The following MUC6 variants were observed in gnomAD, a reference collection of about 807,000 sequenced individuals.
MUC6 encodes mucin 6, oligomeric mucus/gel-forming (gene/pseudogene), also known as mucin-6.
In MUC6, 188 loss-of-function variants were observed where a neutral mutation model predicts 201.5. The ratio of observed to expected loss-of-function variants is 0.93; its 90% CI spans 0.83 to 1.05. MUC6 has a LOEUF of 1.05. Among genes scored for constraint, MUC6 ranks in the 50% least tolerant of loss-of-function variants. The probability of loss-of-function intolerance (pLI) is 0.00; values close to 1 mark genes in which losing one functional copy is unlikely to be tolerated. For synonymous variants in MUC6, 1,228 were observed against 1,389.4 expected (o/e 0.88, Z 2.58); for missense variants, 2,706 against 3,256.9 (o/e 0.83, Z 4.12).
chr11:1,036,422 G>A (rs1857217538), intron 1 of MUC6, among the ~76,000 whole-genome samples, 182 bp downstream of exon 1: 2 of 152,202 alleles, frequency 1.3e-5, no homozygotes. Flanking sequence ...GCCCAGCACC[G>A]CGGCTGCTGG....
chr11:1,030,152 C>A, intron 8 of MUC6, 61 bp downstream of exon 8: 1 of 1,499,318 alleles, frequency 6.7e-7, no homozygotes, highest in African/African-American at 1.4e-5. Context: ...TCTGACGTCC[C>A]CTTGTCTCTG....
chr11:1,029,878 C>A (rs1263296533), intron 8 of MUC6, among the ~76,000 whole-genome samples: 1 of 152,218 alleles, frequency 6.6e-6, no homozygotes, highest in Admixed American at 6.5e-5. Context: ...TGTGCCCGGC[C>A]CAGGTTCCTG....
rs1325220076 is a variant in MUC6 at position 1,024,931 on chromosome 11, G to A, written c.3138C>T (p.Pro1046=). 3 of 1,612,992 alleles carry A rather than the reference G, an allele frequency of 1.9e-6. No individual in the cohort carries two copies. In the South Asian group the frequency reaches 3.3e-5, roughly 18 times the overall value. ...LCGDVSFVTD[P]CSLNAFRRSW... ...AGCGCCGGAAGGCATTGAGACTGCA[G>A]GGGTCTGTCACGAAGCTCACGTCCC... The change falls in exon 24 of 33, where the codon CCC becomes CCT. Residue 1046 remains proline (P), a synonymous_variant. Transcript: ENST00000421673.
At chr11:1,027,637 G>A (rs768457838) in intron 16 of MUC6, 48 bp downstream of exon 16, 10 of 1,575,942 alleles carry the variant, frequency 6.3e-6, no homozygotes, top group East Asian at 2.3e-5. Flanking sequence ...ACACCCCCTC[G>A]TGAGCCCAGC....
intron 26 of MUC6, among the ~76,000 whole-genome samples, chr11:1,021,930 C>T (rs1037281731): frequency 1.3e-5 from 2 of 152,090 alleles, no homozygotes; most frequent in African/African-American, 4.8e-5. Flanking sequence ...AATCCCAGGA[C>T]CCTCTGCATT....
rs1351243558 is a variant in MUC6, at chr11:1,016,505, C to G, written c.6296G>C (p.Ser2099Thr). Residue 2099 changes from serine (S) to threonine (T), a missense_variant, in exon 31 of 33, where the codon AGC becomes ACC. By Grantham distance (58) the Ser-to-Thr change is moderately conservative. Coordinates refer to ENST00000421673, the MANE Select transcript of MUC6 (RefSeq NM_005961.3). Reference sequence around the variant, plus strand: ...GATAGGTGATGACGGTGGCCTTGAGCTAGAGTTCTGAGGCAGCCAAGACGA... The same window carrying G: ...GATAGGTGATGACGGTGGCCTTGAGGTAGAGTTCTGAGGCAGCCAAGACGA... The part of the protein sequence containing the change: ...SSSSWLPQNS[S>T]SRPPSSPITT... 8 of 1,595,332 alleles carry G rather than the reference C, an allele frequency of 5.0e-6. No individual in the cohort carries two copies. The Admixed American group carries it at 6.9e-5, about 14-fold the overall frequency.
At chr11:1,031,539 C>T in intron 4 of MUC6, 68 bp downstream of exon 4, 2 of 1,524,806 alleles carry the variant, frequency 1.3e-6, no homozygotes, top group Admixed American at 2.0e-5. Flanking sequence ...GAGGGCAGCC[C>T]CTCCCAAGTC....
In MUC6 at chr11:1,033,025, A is replaced by C. The variant is rs775795647; in HGVS notation, c.103T>G (p.Ser35Ala). ...GCTGTGTTCTTACCTGTCTGTGGAG[A>C]GTCCTTCAGCCTCTGGAGGCCTGGG... is the stretch of plus-strand genomic sequence containing the variant. The part of the protein sequence containing the change: ...TSPGLQRLKD[S>A]PQTAPDKGQC... The change falls in exon 2 of 33, where the codon TCT becomes GCT. Residue 35 changes from serine (S) to alanine (A), a missense_variant. Physicochemically the swap from Ser to Ala is moderately conservative, Grantham distance 99. Transcript: ENST00000421673. This position sits in a 1 kb window ranked among gnomAD's most constrained non-coding sequence, Gnocchi z 5.6. 5 of 1,601,946 alleles carry C rather than the reference A, an allele frequency of 3.1e-6. No individual in the cohort carries two copies. The highest frequency in any genetic ancestry group is 1.3e-5 in the African/African-American group (1 of 74,708).
chr11:1,029,026 G>A lies in MUC6; in HGVS notation c.1380+20C>T, dbSNP rs1857035125. The A allele has an allele frequency of 6.2e-7, 1 of 1,612,744 alleles. No homozygotes were observed. The highest frequency in any genetic ancestry group is 8.5e-7 in the Non-Finnish European group (1 of 1,179,674). On this transcript the variant is annotated intron_variant, in intron 11 of 32. Coordinates refer to ENST00000421673, the MANE Select transcript of MUC6 (RefSeq NM_005961.3). ...GGAGCGGAGCCCTGCTGGCAGGGATGGGCGCAGGAAAGGCCTTACCTGCCT... is the reference window on the plus strand; with the variant it reads ...GGAGCGGAGCCCTGCTGGCAGGGATAGGCGCAGGAAAGGCCTTACCTGCCT...
Position 1,030,958 on chromosome 11 carries a change from G to A in MUC6, c.673C>T (p.Gln225Ter). Residue 225 changes from glutamine (Q) to a stop codon, truncating the protein, a stop_gained, in exon 6 of 33, where the codon CAG (glutamine) becomes TAG (stop). Transcript: ENST00000421673. LOFTEE classifies it high-confidence loss of function. ...GCCCCCTTGCTTACGTGCTGGGCCT[G>A]CCGGACGTGGGTGCTGGGGATGTCC... ...FQDIPSTHVR[Q>*]AQHARICTQL... The A allele has an allele frequency of 1.3e-6, 2 of 1,576,592 alleles. No individual in the cohort carries two copies. The highest frequency in any genetic ancestry group is 1.7e-4 in the Middle Eastern group (1 of 5,858).
chr11:1,025,561 TC>T (rs1856936287), intron 22 of MUC6, among the ~76,000 whole-genome samples, 194 bp from the exon 23 acceptor site: 1 of 152,192 alleles, frequency 6.6e-6, no homozygotes, highest in Non-Finnish European at 1.5e-5. Context: ...AGCTCGGGCT[TC>T]CTGGAGAGTC....
At chr11:1,024,801 T>C (rs747841092) in intron 24 of MUC6, 43 bp downstream of exon 24, 1 of 1,451,984 alleles carries the variant, frequency 6.9e-7, no homozygotes, top group South Asian at 1.1e-5. Flanking sequence ...CCACCGGACA[T>C]TTGTGGAGGG....
chr11:1,024,183 G>T, intron 24 of MUC6, 80 bp from the exon 25 acceptor site: 1 of 1,498,524 alleles, frequency 6.7e-7, no homozygotes, highest in Non-Finnish European at 9.0e-7. Flanking sequence ...AGGGCCCTCA[G>T]TGTGGTCAGG....
chr11:1,022,235 C>T (rs1234190262), intron 26 of MUC6, among the ~76,000 whole-genome samples: 6 of 149,578 alleles, frequency 4.0e-5, no homozygotes, highest in Admixed American at 2.7e-4. Context: ...GCCCCTCACT[C>T]GCTTGCTCTG....
At position 1,031,124 on chromosome 11, in the gene MUC6, AC is replaced by A. The variant is rs1056901707; in HGVS notation, c.574+44del. ...CAGAGGCCCCCCTGCCCTGCCCCCC[AC>A]CTAGAGGCCCCCCCAGAGGCCCCCC... On this transcript the variant is annotated intron_variant, in intron 5 of 32. Coordinates refer to ENST00000421673, the MANE Select transcript of MUC6 (RefSeq NM_005961.3). 12 of 138,196 alleles carry A rather than the reference AC, an allele frequency of 8.7e-5. No individual in the cohort carries two copies. The Admixed American group carries it at 4.7e-3, about 54-fold the overall frequency. The allele number at this position is 138,196 out of a possible 1,614,324, so 8.6% of individuals were successfully genotyped here. A position where few individuals can be genotyped will look rare whatever the true frequency, so the allele number is the denominator to read the frequency against.
At position 1,025,355 on chromosome 11, in the gene MUC6, C is replaced by T; in HGVS notation, c.2812G>A (p.Val938Met). Residue 938 changes from valine (V) to methionine (M), a missense_variant, in exon 23 of 33, where the codon GTG (valine) becomes ATG (methionine). Val to Met is a conservative substitution (Grantham distance 21, BLOSUM62 1). Around this residue, in one of 10 missense-constraint regions of MUC6, gnomAD observed 1,850 missense variants for 1,958.3 expected, o/e 0.94. Transcript: ENST00000421673. ...IKIFLGGLSVVLADRNYTVTG... is the reference protein window; with the variant it reads ...IKIFLGGLSVMLADRNYTVTG... The stretch of plus-strand genomic sequence containing the variant: ...ACCGTGTAGTTTCTGTCCGCCAGCA[C>T]CACGGACAGGCCCTGTGGGGTGGGG... 1 of 1,610,108 alleles carries T rather than the reference C, an allele frequency of 6.2e-7. No homozygotes were observed. Among genetic ancestry groups the T allele is most frequent in the South Asian group, 1.1e-5 (1 of 91,036 alleles).
Position 1,016,485 on chromosome 11 carries a change from G to T in MUC6, c.6316C>A (p.Pro2106Thr). ...QNSSSRPPSS[P>T]ITTQLPHLSS... is the part of the protein sequence containing the mutation. ...AAGTGGGGGAGTTGTGTGGTGATAGGTGATGACGGTGGCCTTGAGCTAGAG... is the reference window on the plus strand; with the variant it reads ...AAGTGGGGGAGTTGTGTGGTGATAGTTGATGACGGTGGCCTTGAGCTAGAG... The change falls in exon 31 of 33, where the codon CCT becomes ACT. Residue 2106 changes from proline to threonine, a missense_variant. Transcript: ENST00000421673. 8.7e-6 allele frequency: 14 copies of T among 1,612,092 alleles called. No individual in the cohort carries two copies. Among genetic ancestry groups the T allele is most frequent in the Non-Finnish European group, 1.2e-5 (14 of 1,179,426 alleles).
chr11:1,018,654 G>T lies in MUC6; in HGVS notation c.4147C>A (p.Pro1383Thr), dbSNP rs767775044. 6.2e-7 allele frequency: 1 copy of T among 1,613,404 alleles called. No individual in the cohort carries two copies. Among genetic ancestry groups the T allele is most frequent in the South Asian group, 1.1e-5 (1 of 91,038 alleles). The change falls in exon 31 of 33, where the codon CCC becomes ACC. Residue 1383 changes from proline to threonine, a missense_variant. This residue lies in a region of MUC6 where 1,850 missense variants were observed against 1,958.3 expected (regional missense o/e 0.94). Transcript: ENST00000421673. ...TTPQPGQPTR[P>T]TATETTQTRT... ...GTTTGAGTGGTCTCTGTGGCTGTGG[G>T]CCTCGTGGGTTGTCCTGGCTGTGGG...
chr11:1,016,326 C>G lies in MUC6; in HGVS notation c.6475G>C (p.Val2159Leu), dbSNP rs1169593715. The part of the protein sequence containing the change: ...HSSPQTSSPS[V>L]GTSSSFVSAP... ...GACACGAAAGAGGAAGATGTGCCAACAGAAGGCGATGAAGTCTGGGGAGAG... is the reference window on the plus strand; with the variant it reads ...GACACGAAAGAGGAAGATGTGCCAAGAGAAGGCGATGAAGTCTGGGGAGAG... The change falls in exon 31 of 33, where the codon GTT (valine) becomes CTT (leucine). Residue 2159 changes from valine (V) to leucine (L), a missense_variant. Val to Leu is a conservative substitution (Grantham distance 32). Coordinates refer to ENST00000421673, the MANE Select transcript of MUC6 (RefSeq NM_005961.3). The G allele has an allele frequency of 6.2e-7, 1 of 1,611,060 alleles. No individual in the cohort carries two copies. The highest frequency in any genetic ancestry group is 8.5e-7 in the Non-Finnish European group (1 of 1,178,786).
Sources: allele counts gnomAD v4.1 joint callset (sites outside exome capture counted in the v4.1 genomes callset), GRCh38; gene constraint gnomAD v4.1.1; regional missense constraint gnomAD v4.1.1; non-coding constraint Gnocchi (gnomAD v3.1); transcripts MANE v1.5; gene names NCBI Gene and HGNC (gene_info 2026-07-23, HGNC 2026-07-21).